The following DLG2 variants were observed in gnomAD, a reference collection of about 807,000 sequenced individuals.
DLG2 encodes the protein discs large MAGUK scaffold protein 2.
A neutral mutation model predicts 132.5 loss-of-function variants in DLG2; 45 were observed. The ratio of observed to expected loss-of-function variants is 0.34; its 90% CI spans 0.27 to 0.44. DLG2 has a LOEUF of 0.44. Among genes scored for constraint, DLG2 ranks in the 20% least tolerant of loss-of-function variants. The probability of loss-of-function intolerance (pLI) is 1.00; values close to 1 mark genes in which losing one functional copy is unlikely to be tolerated. For missense variants in DLG2, 1,045 were observed against 1,196.9 expected (o/e 0.87, Z 1.87); for synonymous variants, 424 against 419.6 (o/e 1.01, Z -0.13).
At chr11:85,355,574 G>A (rs983655845) in intron 3 of DLG2, among the ~76,000 whole-genome samples, 7 of 152,078 alleles carry the variant, frequency 4.6e-5, no homozygotes, top group African/African-American at 7.2e-5. Context: ...CTGATAAGAA[G>A]CCTAGTTGAG....
chr11:85,254,689 A>G (rs916705363), intron 4 of DLG2, among the ~76,000 whole-genome samples: 1 of 152,184 alleles, frequency 6.6e-6, no homozygotes, highest in Non-Finnish European at 1.5e-5. Context: ...TCCTCTAAAA[A>G]TCAATTAGCA....
intron 4 of DLG2, among the ~76,000 whole-genome samples, chr11:85,195,816 G>A (rs764250086): frequency 4.6e-5 from 7 of 152,056 alleles, no homozygotes; most frequent in African/African-American, 9.7e-5. Context: ...CTGAGCCACC[G>A]CGCCCGGCCG....
At position 83,790,074 on chromosome 11, in the gene DLG2, A is replaced by G. The variant is rs1024405324; in HGVS notation, c.1723-3282T>C. The G allele has an allele frequency of 3.4e-5, 39 of 1,141,682 alleles. No individual in the cohort carries two copies. The South Asian group carries it at 3.8e-4, about 11-fold the overall frequency. The allele number at this position is 1,141,682 out of a possible 1,614,324, so 70.7% of individuals were successfully genotyped here. On this transcript the variant is annotated intron_variant, in intron 17 of 27. Coordinates refer to ENST00000376104, the MANE Select transcript of DLG2 (RefSeq NM_001142699.3). The stretch of plus-strand genomic sequence containing the variant: ...TGACATAAAACAAAATGACACAGGT[A>G]CTGCAACGAGTGTACCTGCATGAAC...
chr11:84,841,061 C>T (rs1343015515), intron 6 of DLG2, among the ~76,000 whole-genome samples: 1 of 149,898 alleles, frequency 6.7e-6, no homozygotes. Context: ...CATTTATTGC[C>T]ACACTATGCA....
At chr11:83,978,865 A>G (rs1227151650) in intron 12 of DLG2, among the ~76,000 whole-genome samples, 1 of 152,128 alleles carries the variant, frequency 6.6e-6, no homozygotes, top group African/African-American at 2.4e-5. Context: ...TAATGAAACC[A>G]TGTTGCACAA....
chr11:83,912,705 TG>T (rs2154113154), intron 15 of DLG2, among the ~76,000 whole-genome samples: 2 of 152,270 alleles, frequency 1.3e-5, no homozygotes, highest in Non-Finnish European at 2.9e-5. Flanking sequence ...GGAAGGACAA[TG>T]GGCAACCCGA....
intron 6 of DLG2, among the ~76,000 whole-genome samples, chr11:85,101,410 G>C (rs1476719961): frequency 6.6e-6 from 1 of 152,084 alleles, no homozygotes; most frequent in Non-Finnish European, 1.5e-5. Flanking sequence ...TTAGTTGTGA[G>C]CACTGAAATA....
At chr11:84,952,554 C>A (rs544759746) in intron 6 of DLG2, among the ~76,000 whole-genome samples, 249 of 150,234 alleles carry the variant, frequency 1.7e-3, no homozygotes, top group Admixed American at 4.0e-3. Context: ...TCATTTAATT[C>A]TAAACTTCAA....
chr11:83,663,082 A>G (rs1039354542), intron 18 of DLG2, among the ~76,000 whole-genome samples: 5 of 152,228 alleles, frequency 3.3e-5, no homozygotes, highest in Non-Finnish European at 2.9e-5. Context: ...CTTTCTGCTT[A>G]AAATAATAAA....
intron 15 of DLG2, among the ~76,000 whole-genome samples, chr11:83,912,232 A>C (rs1227463033): frequency 6.6e-6 from 1 of 152,162 alleles, no homozygotes; most frequent in Non-Finnish European, 1.5e-5. Flanking sequence ...CATCACAAAA[A>C]CCAAAAAGTA....
chr11:85,426,407 TG>T (rs2090743832), intron 3 of DLG2, among the ~76,000 whole-genome samples: 1 of 152,104 alleles, frequency 6.6e-6, no homozygotes, highest in Non-Finnish European at 1.5e-5. Flanking sequence ...CTCACACGGC[TG>T]GGTACTCCTC....
chr11:85,103,905 G>T (rs2071281117), intron 6 of DLG2, among the ~76,000 whole-genome samples: 1 of 151,740 alleles, frequency 6.6e-6, no homozygotes, highest in African/African-American at 2.4e-5. Context: ...AATCGGTATA[G>T]GATCTTAATA....
chr11:85,233,477 C>T (rs556517186), intron 4 of DLG2, among the ~76,000 whole-genome samples: 1 of 151,932 alleles, frequency 6.6e-6, no homozygotes, highest in South Asian at 2.1e-4. Flanking sequence ...TTTATAGCAG[C>T]CATTAATAAC....
intron 7 of DLG2, among the ~76,000 whole-genome samples, chr11:84,503,181 T>A (rs1246984308): frequency 6.6e-6 from 1 of 152,206 alleles, no homozygotes; most frequent in Non-Finnish European, 1.5e-5. Flanking sequence ...GGAATAAACC[T>A]TTGCATTGGT....
chr11:83,594,926 C>T (rs969878460), intron 19 of DLG2, among the ~76,000 whole-genome samples: 4 of 152,198 alleles, frequency 2.6e-5, no homozygotes, highest in African/African-American at 9.7e-5. Flanking sequence ...GGTAGATCTT[C>T]CACTTTCTGT....
At chr11:84,605,215 T>C (rs1241697686) in intron 6 of DLG2, among the ~76,000 whole-genome samples, 4 of 151,960 alleles carry the variant, frequency 2.6e-5, no homozygotes, top group Non-Finnish European at 5.9e-5. Context: ...TACTAGGCAA[T>C]ATACTACTAC....
At chr11:84,489,101 C>T (rs1210923696) in intron 7 of DLG2, among the ~76,000 whole-genome samples, 2 of 151,956 alleles carry the variant, frequency 1.3e-5, no homozygotes, top group African/African-American at 4.8e-5. Context: ...TTCTGTCTCT[C>T]TTTTTTTTCT....
chr11:83,851,989 G>A (rs1857525194), intron 16 of DLG2, among the ~76,000 whole-genome samples: 1 of 152,068 alleles, frequency 6.6e-6, no homozygotes, highest in South Asian at 2.1e-4. Flanking sequence ...TAAGAAGATG[G>A]AGGCCAGTGT....
chr11:84,394,745 C>T lies in DLG2; in HGVS notation c.519+139825G>A, dbSNP rs539499343. ...CAAGCGATTCTCCTGCCTCAGCCTC[C>T]TAAGTAGCTGGGATTACAGGTGTGC... On this transcript the variant is annotated intron_variant, in intron 7 of 27. Transcript: ENST00000376104. Among the ~76,000 whole-genome samples, 6 of 152,220 alleles carry T rather than the reference C, an allele frequency of 3.9e-5. No individual in the cohort carries two copies. The South Asian group carries it at 1.2e-3, about 32-fold the overall frequency.
Sources: allele counts gnomAD v4.1 joint callset (sites outside exome capture counted in the v4.1 genomes callset), GRCh38; gene constraint gnomAD v4.1.1; transcripts MANE v1.5; gene names NCBI Gene and HGNC (gene_info 2026-07-23, HGNC 2026-07-21).